Variants in BICRA observed in about 807,000 individuals in gnomAD.
BICRA encodes the protein BRD4 interacting chromatin remodeling complex associated protein.
In BICRA, 31 loss-of-function variants were observed where a neutral mutation model predicts 96.9. The ratio of observed to expected loss-of-function variants is 0.32; its 90% confidence interval spans 0.24 to 0.43. The LOEUF is 0.43. Among genes scored for constraint, BICRA ranks in the 20% least tolerant of loss-of-function variants. The pLI, the probability that BICRA is intolerant of heterozygous loss-of-function variation, is 1.00. For missense variants in BICRA, 2,283 were observed against 2,190.3 expected (o/e 1.04, Z -0.84); for synonymous variants, 1,350 against 1,071.8 (o/e 1.26, Z -5.07).
chr19:47,679,494 C>A lies in BICRA; in HGVS notation c.324C>A (p.Leu108=). Residue 108 remains leucine, a synonymous_variant, in exon 6 of 15, where the codon CTC becomes CTA. Transcript: ENST00000594866. ...CCTGTGACATCCTCCAGCAGAGCCT[C>A]CAAGAGGCCAACATCACGGAGCAGA... ...DQPCDILQQS[L]QEANITEQTL... is the part of the protein sequence containing the mutation. The A allele has an allele frequency of 1.9e-6, 3 of 1,544,710 alleles. No individual in the cohort carries two copies. Among genetic ancestry groups the A allele is most frequent in the Middle Eastern group, 1.7e-4 (1 of 5,816 alleles).
chr19:47,637,035 C>G (rs542501245), intron 1 of BICRA, among the ~76,000 whole-genome samples: 1 of 152,236 alleles, frequency 6.6e-6, no homozygotes, highest in South Asian at 2.1e-4. Context: ...TTGCAACTCC[C>G]TTGCGCGTCT....
intron 1 of BICRA, among the ~76,000 whole-genome samples, chr19:47,646,830 G>A (rs181667897): frequency 6.6e-6 from 1 of 152,178 alleles, no homozygotes; most frequent in Admixed American, 6.5e-5. Context: ...GTTCACCCAT[G>A]TAAATCGTTC....
rs1047572642 is a variant in BICRA, at chr19:47,681,135, C to T, written c.1965C>T (p.Ala655=). 3.3e-6 allele frequency: 5 copies of T among 1,507,172 alleles called. No homozygotes were observed. The highest frequency in any genetic ancestry group is 4.0e-5 in the Admixed American group (2 of 50,116). The allele number at this position is 1,507,172 out of a possible 1,614,324, so 93.4% of individuals were successfully genotyped here. A position where few individuals can be genotyped will look rare whatever the true frequency, so the allele number is the denominator to read the frequency against. ...CCCCGCAGGCCCCCACCCCACAGGC[C>T]GCCGCCCCGCCTCAGGCCACCACCC... ...QQPPQAPTPQ[A]AAPPQATTPQ... Residue 655 remains alanine, a synonymous_variant, in exon 6 of 15, where the codon GCC becomes GCT. Transcript: ENST00000594866.
intron 1 of BICRA, among the ~76,000 whole-genome samples, chr19:47,610,617 C>CCCCA (rs751553560): frequency 0.071 from 10,322 of 144,860 alleles, 345 homozygotes; most frequent in East Asian, 0.14. Context: ...CACCCCCCCC[C>CCCCA]CACACACACA....
chr19:47,613,221 A>G (rs8110285), intron 1 of BICRA, among the ~76,000 whole-genome samples: 111,037 of 151,816 alleles, frequency 0.73, 40,757 homozygotes, highest in Middle Eastern at 0.82. Flanking sequence ...GGGGTGTATA[A>G]GGCTCCCCAG....
intron 1 of BICRA, among the ~76,000 whole-genome samples, chr19:47,667,991 G>A (rs1379749996): frequency 6.6e-6 from 1 of 152,168 alleles, no homozygotes; most frequent in Non-Finnish European, 1.5e-5. Context: ...CACTTTGGGA[G>A]GCCAAGGGGG....
chr19:47,646,596 T>C (rs1195143284), intron 1 of BICRA, among the ~76,000 whole-genome samples: 1 of 152,194 alleles, frequency 6.6e-6, no homozygotes, highest in Non-Finnish European at 1.5e-5. Context: ...GGTCACGCAC[T>C]TCACCCGTAT....
Position 47,682,134 on chromosome 19 carries a change from C to A in BICRA, c.2265C>A (p.Ser755=). 2 of 1,489,540 alleles carry A rather than the reference C, an allele frequency of 1.3e-6. No homozygotes were observed. The highest frequency in any genetic ancestry group is 2.4e-5 in the East Asian group (1 of 41,970). 92.3% of individuals were successfully genotyped at this position (1,489,540 alleles called of 1,614,324 possible). A position where few individuals can be genotyped will look rare whatever the true frequency, so the allele number is the denominator to read the frequency against. The change falls in exon 7 of 15, where the codon TCC becomes TCA. Residue 755 remains serine (S), a synonymous_variant. Coordinates refer to ENST00000594866, the MANE Select transcript of BICRA (RefSeq NM_001394372.1). ...CTCAGGCCCCCGACAGCCAGGCTTC[C>A]CCGGCTCCGGCCCCCCAGGTAGAGG... ...LGPQAPDSQA[S]PAPAPQIPAA... is the part of the protein sequence containing the mutation.
At chr19:47,694,875 C>T in intron 8 of BICRA, 25 bp from the exon 9 acceptor site, 1 of 1,488,878 alleles carries the variant, frequency 6.7e-7, no homozygotes, top group Non-Finnish European at 8.9e-7. Flanking sequence ...GTTCCCCACC[C>T]CTCATCCACC....
rs1361812920 is a variant in BICRA, at chr19:47,675,729, C to T, written c.85-122C>T. 3 of 774,668 alleles carry T rather than the reference C, an allele frequency of 3.9e-6. No homozygotes were observed. The highest frequency in any genetic ancestry group is 4.2e-5 in the Admixed American group (2 of 47,928). 48.0% of individuals were successfully genotyped at this position (774,668 alleles called of 1,614,324 possible). ...TCGGAGGCGAGAGTTTCCCATACCC[C>T]CAGCCCTCTCCCATCCCAACCCTTG... On this transcript the variant is annotated intron_variant, in intron 4 of 14. Coordinates refer to ENST00000594866, the MANE Select transcript of BICRA (RefSeq NM_001394372.1). The surrounding 1 kb of genome is among the most constrained non-coding windows in gnomAD (Gnocchi z 4.7).
In BICRA at chr19:47,612,309, G is replaced by T. The variant is rs35914129; in HGVS notation, c.-108+3141G>T. Among the ~76,000 whole-genome samples the T allele has an allele frequency of 6.9e-3, 1,046 of 152,106 alleles. 8 individuals are homozygous for T. Among genetic ancestry groups the T allele is most frequent in the Non-Finnish European group, 0.011 (776 of 67,978 alleles). The stretch of plus-strand genomic sequence containing the variant: ...ACTCACCTGTGGTCCTAGCTACTTG[G>T]GGGTGCTGAGGTGGGAGGATTGCTT... On this transcript the variant is annotated intron_variant, in intron 1 of 14. Transcript: ENST00000594866.
intron 1 of BICRA, among the ~76,000 whole-genome samples, chr19:47,643,573 C>A (rs1207553300): frequency 6.6e-6 from 1 of 152,186 alleles, no homozygotes; most frequent in Non-Finnish European, 1.5e-5. Flanking sequence ...ACTGGGGACA[C>A]CAGCCTCCCA....
chr19:47,702,011 G>C lies in BICRA; in HGVS notation c.4279G>C (p.Gly1427Arg). 1 of 1,488,364 alleles carries C rather than the reference G, an allele frequency of 6.7e-7. No individual in the cohort carries two copies. Among genetic ancestry groups the C allele is most frequent in the South Asian group, 1.3e-5 (1 of 78,982 alleles). 92.2% of individuals were successfully genotyped at this position (1,488,364 alleles called of 1,614,324 possible). Residue 1427 changes from glycine (G) to arginine (R), a missense_variant, in exon 15 of 15, where the codon GGG becomes CGG. Coordinates refer to ENST00000594866, the MANE Select transcript of BICRA (RefSeq NM_001394372.1). ...CGCCAAAGTGGACGAGGCCACCAGC[G>C]GGCTCATCCGCGAGCTGGCGGCCGT... Reference protein sequence around the residue: ...LPAKVDEATSGLIRELAAVED... With the variant: ...LPAKVDEATSRLIRELAAVED...
rs1973481721 is a variant in BICRA, at chr19:47,702,491, T to G, written c.*76T>G. On this transcript the variant is annotated 3_prime_UTR_variant, in exon 15 of 15. Transcript: ENST00000594866. ...AGTCGGGTGTCCGCCCTCAGCCTCC[T>G]GGGGACTCGAGCCGGGGATCCCCTG... is the stretch of plus-strand genomic sequence containing the variant. 7.2e-7 allele frequency: 1 copy of G among 1,385,792 alleles called. No homozygotes were observed. Among genetic ancestry groups the G allele is most frequent in the Admixed American group, 3.8e-5 (1 of 26,630 alleles). The allele number at this position is 1,385,792 out of a possible 1,614,324, so 85.8% of individuals were successfully genotyped here.
intron 1 of BICRA, among the ~76,000 whole-genome samples, chr19:47,654,834 C>T (rs922007509): frequency 2.0e-5 from 3 of 151,754 alleles, no homozygotes; most frequent in South Asian, 2.1e-4. Flanking sequence ...TGTAAAAGCC[C>T]CTAACTGTAT....
intron 7 of BICRA, among the ~76,000 whole-genome samples, chr19:47,688,383 C>T (rs915714180): frequency 1.3e-5 from 2 of 151,880 alleles, no homozygotes; most frequent in African/African-American, 4.8e-5. Flanking sequence ...CAGTTGAAGA[C>T]CAAATAATAA....
intron 1 of BICRA, among the ~76,000 whole-genome samples, chr19:47,633,873 A>C (rs1972259596): frequency 6.6e-6 from 1 of 152,236 alleles, no homozygotes; most frequent in Non-Finnish European, 1.5e-5. Flanking sequence ...TGTTTAGCTC[A>C]GAAATATTAA....
At position 47,701,546 on chromosome 19, in the gene BICRA, T is replaced by G; in HGVS notation, c.3814T>G (p.Ser1272Ala). 1 of 1,534,690 alleles carries G rather than the reference T, an allele frequency of 6.5e-7. No homozygotes were observed. ...GGCGTCCTCCTCCCTGTCCTCCTCT[T>G]CCTCCTCCTCCTCTGCCGCCTCCTC... is the stretch of plus-strand genomic sequence containing the variant. ...ARASSSLSSS[S>A]SSSSAASSLD... The change falls in exon 15 of 15, where the codon TCC becomes GCC. Residue 1272 changes from serine to alanine, a missense_variant. Ser to Ala is a moderately conservative substitution (Grantham distance 99, BLOSUM62 1). Transcript: ENST00000594866. The surrounding 1 kb of genome is among the most constrained non-coding windows in gnomAD (Gnocchi z 5.4).
chr19:47,647,910 G>A (rs1349239359), intron 1 of BICRA, among the ~76,000 whole-genome samples: 2 of 150,348 alleles, frequency 1.3e-5, no homozygotes, highest in Non-Finnish European at 3.0e-5. Context: ...GTGGGGGGCC[G>A]TTTGGCATAT....
Sources: allele counts gnomAD v4.1 joint callset (sites outside exome capture counted in the v4.1 genomes callset), GRCh38; gene constraint gnomAD v4.1.1; non-coding constraint Gnocchi (gnomAD v3.1); transcripts MANE v1.5; gene names NCBI Gene and HGNC (gene_info 2026-07-23, HGNC 2026-07-21).